Variants in PAK3 observed in about 807,000 individuals in gnomAD.
PAK3 encodes p21 (RAC1) activated kinase 3.
In PAK3, 4 loss-of-function variants were observed where a neutral mutation model predicts 41.0. The ratio of observed to expected loss-of-function variants is 0.10; its 90% CI spans 0.05 to 0.22. The LOEUF (loss-of-function observed/expected upper bound fraction) is 0.22. Ranked by LOEUF, PAK3 falls within the 10% of genes least tolerant of loss-of-function variation. The pLI, the probability that PAK3 is intolerant of heterozygous loss-of-function variation, is 1.00. For missense variants in PAK3, 205 were observed against 409.9 expected (o/e 0.50, Z 4.32); for synonymous variants, 146 against 139.6 (o/e 1.05, Z -0.32).
At chrX:110,977,573 C>G (rs2091363652) in intron 1 of PAK3, among the ~76,000 whole-genome samples, 1 of 110,902 alleles carries the variant, frequency 9.0e-6, no homozygotes, top group South Asian at 3.8e-4. Flanking sequence ...TCTTTAATTT[C>G]TTTCAACAAT....
chrX:110,970,452 C>T lies in PAK3; in HGVS notation c.-28+25824C>T, dbSNP rs771673385. 7.2e-5 allele frequency among the ~76,000 whole-genome samples: 8 copies of T among 111,394 alleles called. No homozygotes were observed. In the South Asian group the frequency reaches 3.0e-3, roughly 42 times the overall value. ...ATGAGTTCATGTCCTTTGCAGGGACCTGGAGGAAACTGGAAACCATCATCC... is the reference window on the plus strand; with the variant it reads ...ATGAGTTCATGTCCTTTGCAGGGACTTGGAGGAAACTGGAAACCATCATCC... On this transcript the variant is annotated intron_variant, in intron 1 of 14. Transcript: ENST00000425146.
intron 1 of PAK3, among the ~76,000 whole-genome samples, chrX:110,984,164 A>G (rs184009132): frequency 3.6e-5 from 4 of 111,906 alleles, no homozygotes; most frequent in Non-Finnish European, 5.6e-5. Flanking sequence ...TGGGTGTGCC[A>G]TTTATATCAC....
At chrX:111,160,122 A>G (rs2094151558) in intron 8 of PAK3, among the ~76,000 whole-genome samples, 1 of 111,816 alleles carries the variant, frequency 8.9e-6, no homozygotes, top group African/African-American at 3.3e-5. Context: ...AGGACAGTAT[A>G]CCCAGTGGCA....
chrX:111,088,283 G>A (rs919012900), intron 1 of PAK3, among the ~76,000 whole-genome samples: 7 of 111,681 alleles, frequency 6.3e-5, no homozygotes, highest in Non-Finnish European at 1.1e-4. Context: ...CACAGATGAG[G>A]AAACTGAGGT....
intron 11 of PAK3, among the ~76,000 whole-genome samples, chrX:111,187,968 T>C (rs868272124): frequency 1.5e-3 from 147 of 101,148 alleles, no homozygotes; most frequent in African/African-American, 5.9e-3. Context: ...TATATATATA[T>C]ATACACACAT....
intron 1 of PAK3, among the ~76,000 whole-genome samples, chrX:110,985,722 C>CT (rs2091530570): frequency 8.9e-6 from 1 of 112,271 alleles, no homozygotes; most frequent in Non-Finnish European, 1.9e-5. Flanking sequence ...TTGCTCTAGG[C>CT]TTTTTTCTCA....
At chrX:110,984,653 T>G (rs912253680) in intron 1 of PAK3, among the ~76,000 whole-genome samples, 1 of 111,851 alleles carries the variant, frequency 8.9e-6, no homozygotes. Flanking sequence ...AGGACTTAAA[T>G]TTGTTTAGGT....
chrX:111,015,573 C>T (rs894681130), intron 1 of PAK3, among the ~76,000 whole-genome samples: 1 of 111,658 alleles, frequency 9.0e-6, no homozygotes, highest in Non-Finnish European at 1.9e-5. Context: ...CAGCAATGCA[C>T]AAGGGTTCCA....
At position 111,086,321 on chromosome X, in the gene PAK3, G is replaced by A. The variant is rs193139749; in HGVS notation, c.-27-36756G>A. On this transcript the variant is annotated intron_variant, in intron 1 of 14. Coordinates refer to the PAK3 transcript ENST00000425146. ...CCCCTACCAAGCAAATCCAAATAAAGCCTAGGGTTGGGGGAAGAATGATAA... is the reference window on the plus strand; with the variant it reads ...CCCCTACCAAGCAAATCCAAATAAAACCTAGGGTTGGGGGAAGAATGATAA... 2.7e-5 allele frequency among the ~76,000 whole-genome samples: 3 copies of A among 111,213 alleles called. No individual in the cohort carries two copies. The East Asian group carries it at 8.5e-4, about 31-fold the overall frequency.
At chrX:111,082,611 G>A (rs185346735) in intron 1 of PAK3, among the ~76,000 whole-genome samples, 2 of 111,179 alleles carry the variant, frequency 1.8e-5, no homozygotes, top group African/African-American at 3.3e-5. Flanking sequence ...ATGTTACTTT[G>A]GAAGAAGAAA....
At chrX:111,165,590 A>G (rs1325744725) in intron 10 of PAK3, among the ~76,000 whole-genome samples, 2 of 112,534 alleles carry the variant, frequency 1.8e-5, no homozygotes, top group Non-Finnish European at 3.7e-5. Flanking sequence ...AAAAGGAAGA[A>G]CTAAATGAAA....
intron 1 of PAK3, among the ~76,000 whole-genome samples, chrX:110,961,192 T>C (rs1487248048): frequency 9.0e-6 from 1 of 111,485 alleles, no homozygotes; most frequent in Non-Finnish European, 1.9e-5. Context: ...CAAGTGATTG[T>C]AATGAGCAAC....
At chrX:110,997,458 A>G (rs2091760042) in intron 1 of PAK3, among the ~76,000 whole-genome samples, 1 of 111,463 alleles carries the variant, frequency 9.0e-6, no homozygotes, top group Non-Finnish European at 1.9e-5. Context: ...TGATATGAGA[A>G]CCAATAAGAA....
At chrX:111,091,240 A>G, upstream of PAK3, among the ~76,000 whole-genome samples, 1 of 111,487 alleles carries the variant, frequency 9.0e-6, no homozygotes, top group Non-Finnish European at 1.9e-5. Context: ...CAGGTCTCTA[A>G]TGGGGGATAA....
intron 3 of PAK3, among the ~76,000 whole-genome samples, chrX:111,098,949 C>G (rs1478243649): frequency 9.0e-6 from 1 of 110,713 alleles, no homozygotes; most frequent in Admixed American, 9.5e-5. Context: ...CTAGGCGTTT[C>G]CCTCTGCAGG....
At chrX:111,107,139 G>A (rs2093282304) in intron 4 of PAK3, among the ~76,000 whole-genome samples, 1 of 111,784 alleles carries the variant, frequency 8.9e-6, no homozygotes, top group South Asian at 3.8e-4. Context: ...AAAAGTGCAT[G>A]TCTCTGGTTT....
At chrX:111,144,981 C>G in intron 6 of PAK3, 1 of 670,213 alleles carries the variant, frequency 1.5e-6, no homozygotes, top group East Asian at 3.6e-5. Flanking sequence ...CCTGTTATAT[C>G]GTGCTGCCAT....
chrX:111,062,885 T>C (rs1025330307), intron 1 of PAK3, among the ~76,000 whole-genome samples: 4 of 109,346 alleles, frequency 3.7e-5, no homozygotes, highest in African/African-American at 1.3e-4. Context: ...AGCATTCCCT[T>C]GGAGATTGTC....
At chrX:111,187,160 C>G (rs1011300261) in intron 11 of PAK3, among the ~76,000 whole-genome samples, 2 of 111,786 alleles carry the variant, frequency 1.8e-5, no homozygotes, top group African/African-American at 6.5e-5. Flanking sequence ...CATGTGATAT[C>G]CAACATAATT....
Sources: allele counts gnomAD v4.1 joint callset (sites outside exome capture counted in the v4.1 genomes callset), GRCh38; gene constraint gnomAD v4.1.1; transcripts MANE v1.5; gene names NCBI Gene and HGNC (gene_info 2026-07-23, HGNC 2026-07-21).